CTNND2: variants seen among roughly 807,000 people sequenced by gnomAD.
CTNND2 encodes catenin delta 2, also known as catenin delta-2.
A neutral mutation model predicts 144.4 loss-of-function variants in CTNND2; 22 were observed. That is an observed-to-expected ratio of 0.15 (90% confidence interval 0.11 to 0.22). The LOEUF (loss-of-function observed/expected upper bound fraction) is 0.22. Ranked by LOEUF, CTNND2 falls within the 10% of genes least tolerant of loss-of-function variation. The probability of loss-of-function intolerance (pLI) is 1.00; values close to 1 mark genes in which losing one functional copy is unlikely to be tolerated. For synonymous variants in CTNND2, 751 were observed against 695.6 expected, an observed-to-expected ratio of 1.08 and a Z score of -1.25; for missense variants, 1,353 against 1,618.8, an observed-to-expected ratio of 0.84 and a Z score of 2.82.
intron 3 of CTNND2, among the ~76,000 whole-genome samples, chr5:11,536,571 C>T (rs77561525): frequency 2.6e-5 from 4 of 152,108 alleles, no homozygotes; most frequent in Non-Finnish European, 5.9e-5. Flanking sequence ...TAATGGTATT[C>T]GTAGCAACCT....
At chr5:11,429,205 C>T (rs2149870178) in intron 3 of CTNND2, among the ~76,000 whole-genome samples, 1 of 152,300 alleles carries the variant, frequency 6.6e-6, no homozygotes, top group Admixed American at 6.5e-5. Flanking sequence ...CTGTTAAACT[C>T]TGTCCATCCT....
intron 3 of CTNND2, among the ~76,000 whole-genome samples, chr5:11,430,503 G>A (rs935494679): frequency 8.0e-5 from 12 of 150,804 alleles, no homozygotes; most frequent in Non-Finnish European, 1.6e-4. Flanking sequence ...CAAAATGCAG[G>A]AAAGTTCCCA....
chr5:11,498,354 T>C (rs1770191931), intron 3 of CTNND2, among the ~76,000 whole-genome samples: 1 of 152,106 alleles, frequency 6.6e-6, no homozygotes, highest in Admixed American at 6.6e-5. Context: ...TAGGAGTCAG[T>C]GCAGCATGGG....
At chr5:11,138,981 C>CTTTTTT (rs3032103) in intron 12 of CTNND2, among the ~76,000 whole-genome samples, 1 of 149,322 alleles carries the variant, frequency 6.7e-6, no homozygotes, top group Non-Finnish European at 1.5e-5. Context: ...TAAAAGGAAA[C>CTTTTTT]TTTTTTTTTT....
At chr5:11,551,853 A>G (rs943131759) in intron 3 of CTNND2, among the ~76,000 whole-genome samples, 8 of 152,026 alleles carry the variant, frequency 5.3e-5, no homozygotes, top group African/African-American at 1.9e-4. Context: ...TGCCCACCTC[A>G]GCCTCCCAAA....
intron 9 of CTNND2, among the ~76,000 whole-genome samples, chr5:11,264,553 G>A (rs1307568503): frequency 6.6e-6 from 1 of 152,168 alleles, no homozygotes; most frequent in Non-Finnish European, 1.5e-5. Context: ...AGTTTCAACT[G>A]ACACCACATC....
At chr5:11,686,814 T>C (rs950663531) in intron 2 of CTNND2, among the ~76,000 whole-genome samples, 1 of 148,256 alleles carries the variant, frequency 6.7e-6, no homozygotes, top group African/African-American at 2.4e-5. Context: ...AAATATATAT[T>C]TATATACTAT....
chr5:11,351,601 T>G (rs1755347210), intron 8 of CTNND2, among the ~76,000 whole-genome samples: 1 of 152,164 alleles, frequency 6.6e-6, no homozygotes, highest in South Asian at 2.1e-4. Context: ...TGCTTTATGA[T>G]AGATAATTGC....
At chr5:11,237,343 C>A (rs1326075200) in intron 9 of CTNND2, among the ~76,000 whole-genome samples, 1 of 152,016 alleles carries the variant, frequency 6.6e-6, no homozygotes, top group East Asian at 1.9e-4. Context: ...CAAGTGCAAA[C>A]GTGTATACTA....
At chr5:11,751,485 G>T (rs1018500079) in intron 1 of CTNND2, among the ~76,000 whole-genome samples, 2 of 151,770 alleles carry the variant, frequency 1.3e-5, no homozygotes, top group East Asian at 1.9e-4. Flanking sequence ...GAACATGAGG[G>T]TTGGTTTTCT....
chr5:11,782,787 T>C (rs1488556979), intron 1 of CTNND2, among the ~76,000 whole-genome samples: 1 of 152,244 alleles, frequency 6.6e-6, no homozygotes, highest in Non-Finnish European at 1.5e-5. Flanking sequence ...ATTTCTCATC[T>C]ATATGTTGAT....
intron 1 of CTNND2, among the ~76,000 whole-genome samples, chr5:11,781,616 G>A (rs1790545041): frequency 6.6e-6 from 1 of 152,182 alleles, no homozygotes. Context: ...CCATATATAT[G>A]AGCAAACCTC....
chr5:11,051,952 TTTATCTTCTA>T (rs1745881471), intron 16 of CTNND2, among the ~76,000 whole-genome samples: 1 of 152,210 alleles, frequency 6.6e-6, no homozygotes, highest in Non-Finnish European at 1.5e-5. Flanking sequence ...GCCTGCCATG[TTTATCTTCTA>T]TGAGTTCCCA....
intron 1 of CTNND2, among the ~76,000 whole-genome samples, chr5:11,847,167 T>C (rs1183304709): frequency 1.8e-5 from 2 of 111,876 alleles, no homozygotes; most frequent in Non-Finnish European, 4.1e-5. Flanking sequence ...TATATATATA[T>C]ATATATATGC....
chr5:11,225,128 A>C lies in CTNND2; in HGVS notation c.1761+11563T>G, dbSNP rs371140532. 5.9e-5 allele frequency among the ~76,000 whole-genome samples: 9 copies of C among 152,264 alleles called. No individual in the cohort carries two copies. The South Asian group carries it at 1.9e-3, about 32-fold the overall frequency. On this transcript the variant is annotated intron_variant, in intron 10 of 21. Coordinates refer to ENST00000304623, the MANE Select transcript of CTNND2 (RefSeq NM_001332.4). ...AACCAGGAACTTGTCTTGACCTTTG[A>C]AGTGGGTCAAACTGCAGTGACCACC...
intron 13 of CTNND2, among the ~76,000 whole-genome samples, chr5:11,113,857 T>G (rs1197360866): frequency 2.0e-5 from 3 of 152,232 alleles, no homozygotes; most frequent in Admixed American, 2.0e-4. Context: ...GGCTGGAATC[T>G]GGTGAAAGGT....
intron 5 of CTNND2, among the ~76,000 whole-genome samples, chr5:11,404,113 C>A (rs1175291744): frequency 6.6e-6 from 1 of 152,216 alleles, no homozygotes; most frequent in African/African-American, 2.4e-5. Flanking sequence ...ATTCCCAGAG[C>A]TGTCAGGGAC....
At chr5:11,257,260 C>T (rs537077030) in intron 9 of CTNND2, among the ~76,000 whole-genome samples, 11 of 152,142 alleles carry the variant, frequency 7.2e-5, no homozygotes, top group Admixed American at 5.2e-4. Context: ...CCTCTTGTTT[C>T]CTTGGTTCAA....
At chr5:11,055,562 C>G (rs1189515978) in intron 16 of CTNND2, among the ~76,000 whole-genome samples, 1 of 152,252 alleles carries the variant, frequency 6.6e-6, no homozygotes, top group Non-Finnish European at 1.5e-5. Context: ...CTTCCACACA[C>G]AGGTGAATAA....
Sources: allele counts gnomAD v4.1 joint callset (sites outside exome capture counted in the v4.1 genomes callset), GRCh38; gene constraint gnomAD v4.1.1; transcripts MANE v1.5; gene names NCBI Gene and HGNC (gene_info 2026-07-23, HGNC 2026-07-21).